TMPRSS3: variants seen among roughly 807,000 people sequenced by gnomAD.
The protein encoded by TMPRSS3 is transmembrane protease serine 3.
Under a neutral mutation model 59.6 loss-of-function variants are expected in TMPRSS3, and 55 were observed. That is an observed-to-expected ratio of 0.92 (90% CI 0.74 to 1.16). TMPRSS3 has a LOEUF of 1.16. Ranked by LOEUF, TMPRSS3 falls within the 50% of genes most tolerant of loss-of-function variation. The pLI is 0.00. For missense variants in TMPRSS3, 596 were observed against 579.4 expected (o/e 1.03, Z -0.29); for synonymous variants, 257 against 237.7 (o/e 1.08, Z -0.75).
chr21:42,379,747 G>C (rs553142904), intron 10 of TMPRSS3, among the ~76,000 whole-genome samples: 4 of 152,238 alleles, frequency 2.6e-5, no homozygotes, highest in African/African-American at 9.6e-5. Context: ...ACAAGACAAA[G>C]AGTCTTCACA....
intron 2 of TMPRSS3, among the ~76,000 whole-genome samples, chr21:42,393,567 G>A (rs1004292619): frequency 6.6e-6 from 1 of 152,100 alleles, no homozygotes; most frequent in African/African-American, 2.4e-5. Flanking sequence ...ACAGGAAACG[G>A]ACCAAATTAC....
intron 5 of TMPRSS3, among the ~76,000 whole-genome samples, chr21:42,387,315 G>C (rs1404282541): frequency 6.6e-6 from 1 of 152,054 alleles, no homozygotes; most frequent in Non-Finnish European, 1.5e-5. Flanking sequence ...ATGAGTCAGA[G>C]GAAGAGGCTC....
At chr21:42,378,343 T>C (rs1043103710) in intron 10 of TMPRSS3, among the ~76,000 whole-genome samples, 2 of 152,166 alleles carry the variant, frequency 1.3e-5, no homozygotes, top group African/African-American at 2.4e-5. Flanking sequence ...CTGTGTTAGG[T>C]TGAACTGTGG....
intron 10 of TMPRSS3, among the ~76,000 whole-genome samples, chr21:42,378,114 G>C (rs1408471732): frequency 6.6e-6 from 1 of 152,254 alleles, no homozygotes; most frequent in South Asian, 2.1e-4. Context: ...AAGCTAGAAA[G>C]GCCCTGGACC....
At chr21:42,383,766 G>A in intron 7 of TMPRSS3, 1 of 717,112 alleles carries the variant, frequency 1.4e-6, no homozygotes, top group Non-Finnish European at 2.6e-6. Context: ...TGCTCTGGCT[G>A]TCTCCCCCAC....
chr21:42,391,018 A>T (rs2052726148), intron 2 of TMPRSS3, among the ~76,000 whole-genome samples: 1 of 152,184 alleles, frequency 6.6e-6, no homozygotes, highest in Admixed American at 6.5e-5. Flanking sequence ...TGTTGTTTTA[A>T]GTCACCCAGT....
chr21:42,372,660 A>G lies in TMPRSS3; in HGVS notation c.*102T>C. ...ACTGGTGCCGGAACTCAGAGCTCCA[A>G]GGGTGTCTGCTCGTGTGCAGGTTCC... On this transcript the variant is annotated 3_prime_UTR_variant, in exon 13 of 13. Coordinates refer to ENST00000644384, the MANE Select transcript of TMPRSS3 (RefSeq NM_001256317.3). 2 of 1,234,814 alleles carry G rather than the reference A, an allele frequency of 1.6e-6. No individual in the cohort carries two copies. Among genetic ancestry groups the G allele is most frequent in the Non-Finnish European group, 1.2e-6 (1 of 834,276 alleles). 76.5% of individuals were successfully genotyped at this position (1,234,814 alleles called of 1,614,324 possible).
intron 10 of TMPRSS3, among the ~76,000 whole-genome samples, chr21:42,379,829 C>T (rs2052492374): frequency 6.6e-6 from 1 of 152,178 alleles, no homozygotes. Flanking sequence ...CCTCAGTTAA[C>T]AAGGCCGGGG....
intron 10 of TMPRSS3, among the ~76,000 whole-genome samples, chr21:42,377,900 T>C (rs1291798540): frequency 6.6e-6 from 1 of 152,180 alleles, no homozygotes; most frequent in East Asian, 1.9e-4. Context: ...ACAGAGCAGA[T>C]TGACAGCGAG....
intron 10 of TMPRSS3, among the ~76,000 whole-genome samples, chr21:42,378,722 G>C (rs11910516): frequency 1.3e-5 from 2 of 151,718 alleles, no homozygotes; most frequent in Admixed American, 1.3e-4. Context: ...TTTTTGTTTT[G>C]TTTTGTTTTT....
At chr21:42,384,659 A>G (rs1259696205) in intron 6 of TMPRSS3, among the ~76,000 whole-genome samples, 1 of 152,244 alleles carries the variant, frequency 6.6e-6, no homozygotes, top group Non-Finnish European at 1.5e-5. Context: ...CACCCAACAC[A>G]TGAGCTGTCC....
At chr21:42,389,592 A>G (rs540443948) in intron 3 of TMPRSS3, among the ~76,000 whole-genome samples, 2 of 152,376 alleles carry the variant, frequency 1.3e-5, no homozygotes, top group Non-Finnish European at 2.9e-5. Context: ...CCTGCATTGC[A>G]TGAATAGGTC....
intron 5 of TMPRSS3, among the ~76,000 whole-genome samples, chr21:42,386,660 C>A (rs576130200): frequency 6.6e-6 from 1 of 152,250 alleles, no homozygotes; most frequent in Non-Finnish European, 1.5e-5. Flanking sequence ...CCTCCAAGTA[C>A]GTGCTATTAT....
At chr21:42,383,564 A>T (rs530202160) in intron 7 of TMPRSS3, 1 of 503,072 alleles carries the variant, frequency 2.0e-6, no homozygotes, top group African/African-American at 1.9e-5. Context: ...TGGTGCACGC[A>T]CCTCCCTGAC....
In TMPRSS3 at chr21:42,372,638, G is replaced by T. The variant is rs779262487; in HGVS notation, c.*124C>A. On this transcript the variant is annotated 3_prime_UTR_variant, in exon 13 of 13. Transcript: ENST00000644384. ...GGGTGCCTCTTTCGGGCCTGCTACTGGTGCCGGAACTCAGAGCTCCAAGGG... is the reference window on the plus strand; with the variant it reads ...GGGTGCCTCTTTCGGGCCTGCTACTTGTGCCGGAACTCAGAGCTCCAAGGG... 3.1e-6 allele frequency: 3 copies of T among 969,094 alleles called. No individual in the cohort carries two copies. In the Admixed American group the frequency reaches 5.1e-5, roughly 16 times the overall value. 60.0% of individuals were successfully genotyped at this position (969,094 alleles called of 1,614,324 possible).
chr21:42,391,652 A>T (rs2146455715), intron 2 of TMPRSS3, among the ~76,000 whole-genome samples: 1 of 152,338 alleles, frequency 6.6e-6, no homozygotes, highest in South Asian at 2.1e-4. Flanking sequence ...AGGCTGCTCC[A>T]CATGCCTCTG....
Position 42,383,888 on chromosome 21 carries a change from G to C in TMPRSS3, c.616+82C>G, listed in dbSNP as rs748136160. The C allele has an allele frequency of 1.7e-5, 25 of 1,454,232 alleles. No homozygotes were observed. In the East Asian group the frequency reaches 2.0e-4, roughly 12 times the overall value. 90.1% of individuals were successfully genotyped at this position (1,454,232 alleles called of 1,614,324 possible). ...GAGGAAGGGATACAGAGCCCCATGGGGGGAGAGGACTCTGAGGGCAAGGAG... is the reference window on the plus strand; with the variant it reads ...GAGGAAGGGATACAGAGCCCCATGGCGGGAGAGGACTCTGAGGGCAAGGAG... On this transcript the variant is annotated intron_variant, in intron 7 of 12. Coordinates refer to ENST00000644384, the MANE Select transcript of TMPRSS3 (RefSeq NM_001256317.3).
Position 42,389,249 on chromosome 21 carries a change from C to T in TMPRSS3, c.206-204G>A, listed in dbSNP as rs148967272. On this transcript the variant is annotated intron_variant, in intron 3 of 12. Transcript: ENST00000644384. ...GTGGGGCTGCTGTGCCCCACTTTAT[C>T]TCGCTATGTGGCCTGGCCCAGGAAC... 4.7e-4 allele frequency: 474 copies of T among 1,014,760 alleles called. 3 individuals carry two copies. In the African/African-American group the frequency reaches 7.1e-3, roughly 15 times the overall value. 62.9% of individuals were successfully genotyped at this position (1,014,760 alleles called of 1,614,324 possible).
At chr21:42,393,511 C>T (rs1046774660) in intron 2 of TMPRSS3, among the ~76,000 whole-genome samples, 1 of 152,050 alleles carries the variant, frequency 6.6e-6, no homozygotes, top group Admixed American at 6.6e-5. Flanking sequence ...ACGCAAATAT[C>T]GACCCCCAAG....
Sources: allele counts gnomAD v4.1 joint callset (sites outside exome capture counted in the v4.1 genomes callset), GRCh38; gene constraint gnomAD v4.1.1; transcripts MANE v1.5; gene names NCBI Gene and HGNC (gene_info 2026-07-23, HGNC 2026-07-21).